The following STAT4 variants were observed in gnomAD, a reference collection of about 807,000 sequenced individuals.
STAT4 encodes the protein signal transducer and activator of transcription 4.
Under a neutral mutation model 110.5 loss-of-function variants are expected in STAT4, and 42 were observed. That is an observed-to-expected ratio of 0.38 (90% CI 0.30 to 0.49). STAT4 has a LOEUF of 0.49. Among genes scored for constraint, STAT4 ranks in the 20% least tolerant of loss-of-function variants. The pLI is 0.95. For synonymous variants in STAT4, 284 were observed against 302.2 expected (o/e 0.94, Z 0.63); for missense variants, 632 against 887.9 (o/e 0.71, Z 3.66).
chr2:191,061,701 C>T lies in STAT4; in HGVS notation c.1034+28G>A, dbSNP rs757535129. 4.4e-6 allele frequency: 7 copies of T among 1,598,510 alleles called. No homozygotes were observed. In the South Asian group the frequency reaches 4.4e-5, roughly 10 times the overall value. On this transcript the variant is annotated intron_variant, in intron 10 of 23. Coordinates refer to ENST00000392320, the MANE Select transcript of STAT4 (RefSeq NM_003151.4). This position sits in a 1 kb window ranked among gnomAD's most constrained non-coding sequence, Gnocchi z 6.2. ...CAGAGACTATAGCTCCACAAACACA[C>T]GAAATAGTAGAAAATGTTTTTGCCT...
At chr2:191,036,843 A>G (rs1696059602) in intron 16 of STAT4, among the ~76,000 whole-genome samples, 2 of 152,324 alleles carry the variant, frequency 1.3e-5, no homozygotes, top group Middle Eastern at 6.8e-3. Flanking sequence ...TACGCTTATG[A>G]CACTGTAATT....
intron 3 of STAT4, among the ~76,000 whole-genome samples, chr2:191,137,942 G>A (rs553077446): frequency 6.5e-4 from 99 of 152,230 alleles, no homozygotes; most frequent in African/African-American, 2.1e-3. Context: ...CAGGACATTG[G>A]TCTAGGCAAA....
chr2:191,115,015 C>G (rs1339952284), intron 3 of STAT4, among the ~76,000 whole-genome samples: 1 of 151,986 alleles, frequency 6.6e-6, no homozygotes, highest in African/African-American at 2.4e-5. Flanking sequence ...TTTTTTCCCT[C>G]TATATTTGGT....
chr2:191,057,003 G>A (rs372353708), intron 13 of STAT4, among the ~76,000 whole-genome samples: 1 of 151,994 alleles, frequency 6.6e-6, no homozygotes, highest in African/African-American at 2.4e-5. Context: ...GGCTGGTCTC[G>A]AATTCCTGAC....
rs1451195623 is a variant in STAT4 at position 191,147,201 on chromosome 2, C to A, written c.129-444G>T. ...AGGGACTCAAACAGATATTTGCATA[C>A]CAATGTTCCTAGCAGGGTTATTAGC... is the stretch of plus-strand genomic sequence containing the variant. On this transcript the variant is annotated intron_variant, in intron 2 of 23. Transcript: ENST00000392320. The surrounding 1 kb of genome is among the most constrained non-coding windows in gnomAD (Gnocchi z 4.1). Among the ~76,000 whole-genome samples the A allele has an allele frequency of 6.6e-6, 1 of 152,098 alleles. No individual in the cohort carries two copies. The highest frequency in any genetic ancestry group is 1.5e-5 in the Non-Finnish European group (1 of 67,996).
At chr2:191,073,705 C>CAAAT (rs1305128467) in intron 4 of STAT4, among the ~76,000 whole-genome samples, 1 of 151,858 alleles carries the variant, frequency 6.6e-6, no homozygotes, top group Non-Finnish European at 1.5e-5. Context: ...AACAAACAAA[C>CAAAT]AAACAAGCCC....
chr2:191,043,467 T>C lies in STAT4; in HGVS notation c.1252-2319A>G, dbSNP rs1696262835. 6.6e-6 allele frequency among the ~76,000 whole-genome samples: 1 copy of C among 152,244 alleles called. No individual in the cohort carries two copies. Among genetic ancestry groups the C allele is most frequent in the South Asian group, 2.1e-4 (1 of 4,834 alleles). ...AATTGTAATTCTTATATACCACTTATGCAATTGTTACAATCACTTTGGAGA... is the reference window on the plus strand; with the variant it reads ...AATTGTAATTCTTATATACCACTTACGCAATTGTTACAATCACTTTGGAGA... On this transcript the variant is annotated intron_variant, in intron 14 of 23. Transcript: ENST00000392320. The surrounding 1 kb of genome is among the most constrained non-coding windows in gnomAD (Gnocchi z 4.8).
intron 18 of STAT4, 75 bp downstream of exon 18, chr2:191,034,473 A>G (rs913683641): frequency 9.3e-7 from 1 of 1,070,126 alleles, no homozygotes; most frequent in Non-Finnish European, 1.4e-6. Context: ...TCAAAACCCC[A>G]TGTAGTAATA....
At chr2:191,072,270 G>T (rs1002459379) in intron 5 of STAT4, among the ~76,000 whole-genome samples, 2 of 152,106 alleles carry the variant, frequency 1.3e-5, no homozygotes, top group African/African-American at 4.8e-5. Context: ...GCCTTGCATG[G>T]CAGATTATTA....
intron 3 of STAT4, among the ~76,000 whole-genome samples, chr2:191,109,038 C>T (rs565138720): frequency 6.6e-6 from 1 of 152,300 alleles, no homozygotes; most frequent in African/African-American, 2.4e-5. Flanking sequence ...ATCAAAGGCA[C>T]TTGCCAACTA....
At chr2:191,145,217 C>A (rs1261463407) in intron 3 of STAT4, among the ~76,000 whole-genome samples, 2 of 152,116 alleles carry the variant, frequency 1.3e-5, no homozygotes, top group Non-Finnish European at 2.9e-5. Flanking sequence ...TAAAAGCAAT[C>A]ATAAACAATA....
chr2:191,141,643 A>T (rs1037183210), intron 3 of STAT4, among the ~76,000 whole-genome samples: 12 of 149,812 alleles, frequency 8.0e-5, no homozygotes, highest in South Asian at 2.1e-4. Context: ...ATATATATAT[A>T]TTTTTGAGAC....
At chr2:191,076,092 G>A in intron 4 of STAT4, 135 bp downstream of exon 4, 1 of 649,526 alleles carries the variant, frequency 1.5e-6, no homozygotes, top group East Asian at 2.8e-5. Flanking sequence ...GGCTTCAAAT[G>A]ATCCTCCCAC....
At chr2:191,130,527 C>T (rs1029120329) in intron 3 of STAT4, among the ~76,000 whole-genome samples, 8 of 151,618 alleles carry the variant, frequency 5.3e-5, no homozygotes, top group Non-Finnish European at 7.4e-5. Flanking sequence ...TGGCCTATCT[C>T]GCTTTTTTAA....
At chr2:191,072,094 C>T (rs1477666028) in intron 5 of STAT4, among the ~76,000 whole-genome samples, 2 of 152,146 alleles carry the variant, frequency 1.3e-5, no homozygotes, top group Admixed American at 6.5e-5. Context: ...GTTGGGGATC[C>T]ATGTACAGGC....
At position 191,066,380 on chromosome 2, in the gene STAT4, G is replaced by GA; in HGVS notation, c.630+49dup. ...ATTATTTTCAGTTAGTCTAAGTTTAGAAAAAAGGAGAAAAATAGGCAAAAG... is the reference window on the plus strand; with the variant it reads ...ATTATTTTCAGTTAGTCTAAGTTTAGAAAAAAAGGAGAAAAATAGGCAAAAG... On this transcript the variant is annotated intron_variant, in intron 7 of 23. Transcript: ENST00000392320. This position sits in a 1 kb window ranked among gnomAD's most constrained non-coding sequence, Gnocchi z 4.3. The GA allele has an allele frequency of 2.0e-6, 3 of 1,504,314 alleles. No homozygotes were observed. Among genetic ancestry groups the GA allele is most frequent in the South Asian group, 1.1e-5 (1 of 87,708 alleles). The allele number at this position is 1,504,314 out of a possible 1,614,324, so 93.2% of individuals were successfully genotyped here. A position where few individuals can be genotyped will look rare whatever the true frequency, so the allele number is the denominator to read the frequency against.
rs1049900129 is a variant in STAT4, at chr2:191,148,289, A to G, written c.-1-85T>C. The G allele has an allele frequency of 1.8e-5, 27 of 1,468,298 alleles. No individual in the cohort carries two copies. In the South Asian group the frequency reaches 2.0e-4, roughly 11 times the overall value. The allele number at this position is 1,468,298 out of a possible 1,614,324, so 91.0% of individuals were successfully genotyped here. ...TTTCTTCTTTCCTTAGAATTAGTCA[A>G]TGTTATGACTGAATTCCAATATATC... On this transcript the variant is annotated intron_variant, in intron 1 of 23. Coordinates refer to ENST00000392320, the MANE Select transcript of STAT4 (RefSeq NM_003151.4).
Position 191,073,127 on chromosome 2 carries a change from T to G in STAT4, c.436A>C (p.Lys146Gln). 1 of 1,614,044 alleles carries G rather than the reference T, an allele frequency of 6.2e-7. No homozygotes were observed. Among genetic ancestry groups the G allele is most frequent in the Non-Finnish European group, 8.5e-7 (1 of 1,179,934 alleles). The change falls in exon 5 of 24, where the codon AAA becomes CAA. Residue 146 changes from lysine (K) to glutamine (Q), a missense_variant. Physicochemically the swap from Lys to Gln is moderately conservative, Grantham distance 53. Around this residue, in one of 4 missense-constraint regions of STAT4, gnomAD observed 488 missense variants for 632.8 expected, o/e 0.77. Transcript: ENST00000392320. ...VSERQRNVEH[K>Q]VAAIKNSVQM... is the part of the protein sequence containing the mutation. ...ACACTGTTTTTAATGGCAGCCACTT[T>G]GTGCTCCACATTCCTCTGTCTTTCT...
chr2:191,078,191 T>G (rs1442282659), intron 3 of STAT4, among the ~76,000 whole-genome samples: 2 of 152,188 alleles, frequency 1.3e-5, no homozygotes, highest in Non-Finnish European at 2.9e-5. Context: ...GGATCCTTTT[T>G]AGTTCTCAGA....
Sources: allele counts gnomAD v4.1 joint callset (sites outside exome capture counted in the v4.1 genomes callset), GRCh38; gene constraint gnomAD v4.1.1; regional missense constraint gnomAD v4.1.1; non-coding constraint Gnocchi (gnomAD v3.1); transcripts MANE v1.5; gene names NCBI Gene and HGNC (gene_info 2026-07-23, HGNC 2026-07-21).